Variants in RMND1 observed in about 807,000 individuals in gnomAD.
RMND1 encodes required for meiotic nuclear division protein 1 homolog.
RMND1 carries 41 observed loss-of-function variants against 54.0 expected under a neutral mutation model. The observed-to-expected ratio is 0.76, with a 90% CI of 0.59 to 0.98. The LOEUF (loss-of-function observed/expected upper bound fraction) is 0.98, where lower values mean the gene tolerates loss of function less well. RMND1 is among the 50% of genes least tolerant of loss of function. The pLI is 0.00. For synonymous variants in RMND1, 183 were observed against 181.7 expected, an observed-to-expected ratio of 1.01 and a Z score of -0.06; for missense variants, 457 against 532.0, an observed-to-expected ratio of 0.86 and a Z score of 1.39.
At chr6:151,418,875 A>G (rs1286077463) in intron 9 of RMND1, among the ~76,000 whole-genome samples, 1 of 151,818 alleles carries the variant, frequency 6.6e-6, no homozygotes, top group East Asian at 1.9e-4. Flanking sequence ...GGTTCAAGCA[A>G]TTCTCCTGCC....
In RMND1 at chr6:151,436,505, C is replaced by T. The variant is rs774987890; in HGVS notation, c.554G>A (p.Gly185Glu). 1 of 1,613,908 alleles carries T rather than the reference C, an allele frequency of 6.2e-7. No homozygotes were observed. The highest frequency in any genetic ancestry group is 8.5e-7 in the Non-Finnish European group (1 of 1,179,800). ...GGAGGCCAGATCTTGAGACAGATTT[C>T]CCAGATGATACTCATCTGCCGTTGC... ...AFATADEYHL[G>E]NLSQDLASHG... Residue 185 changes from glycine to glutamate, a missense_variant, in exon 3 of 12, where the codon GGA becomes GAA. Physicochemically the swap from Gly to Glu is moderately conservative, Grantham distance 98. Transcript: ENST00000444024.
intron 1 of RMND1, among the ~76,000 whole-genome samples, chr6:151,446,422 G>GAA (rs78186986): frequency 5.3e-5 from 7 of 133,132 alleles, no homozygotes; most frequent in Non-Finnish European, 4.9e-5. Flanking sequence ...TCTGTCTCAG[G>GAA]AAAAAAAAAA....
chr6:151,414,499 T>A (rs1481809800), intron 10 of RMND1, among the ~76,000 whole-genome samples: 1 of 152,160 alleles, frequency 6.6e-6, no homozygotes, highest in East Asian at 1.9e-4. Flanking sequence ...TTAGGTATTA[T>A]TAGATGATGT....
chr6:151,406,779 A>G (rs937525843), intron 10 of RMND1, among the ~76,000 whole-genome samples: 9 of 152,200 alleles, frequency 5.9e-5, no homozygotes, highest in Non-Finnish European at 1.3e-4. Context: ...GTCAGTGAAC[A>G]TTAAGAGATG....
chr6:151,411,016 G>C (rs1260475372), intron 10 of RMND1, among the ~76,000 whole-genome samples: 2 of 152,162 alleles, frequency 1.3e-5, no homozygotes, highest in Non-Finnish European at 2.9e-5. Context: ...CTGGAGTGCA[G>C]TGGTGCAATC....
intron 5 of RMND1, 34 bp from the exon 6 acceptor site, chr6:151,427,616 A>C: frequency 7.5e-7 from 1 of 1,325,024 alleles, no homozygotes; most frequent in Non-Finnish European, 1.1e-6. Context: ...TGAAATCATA[A>C]CTGACTCCCT....
chr6:151,443,436 C>T (rs1445189951), intron 2 of RMND1, among the ~76,000 whole-genome samples: 2 of 152,016 alleles, frequency 1.3e-5, no homozygotes, highest in Non-Finnish European at 2.9e-5. Context: ...CTCAGCCTCC[C>T]GAGCCGCTGG....
In RMND1 at chr6:151,445,611, G is replaced by T. The variant is rs182333944; in HGVS notation, c.201C>A (p.Ile67=). 2.4e-5 allele frequency: 39 copies of T among 1,614,140 alleles called. No homozygotes were observed. The Admixed American group carries it at 6.5e-4, about 27-fold the overall frequency. The change falls in exon 2 of 12, where the codon ATC becomes ATA. Residue 67 remains isoleucine (I), a synonymous_variant. Coordinates refer to ENST00000444024, the MANE Select transcript of RMND1 (RefSeq NM_017909.4). ...CTGACTTTTTTTGGTTCATTTCCAG[G>T]ATCTGAGACTTATTCAAACCACTAG... ...KTASGLNKSQ[I]LEMNQKKSDT...
At chr6:151,439,801 A>G (rs1216251281) in intron 2 of RMND1, among the ~76,000 whole-genome samples, 1 of 152,176 alleles carries the variant, frequency 6.6e-6, no homozygotes, top group East Asian at 1.9e-4. Context: ...CTGGGATCAC[A>G]GGCATGCGCC....
intron 7 of RMND1, 149 bp downstream of exon 7, chr6:151,423,376 G>A (rs1780207917): frequency 1.7e-6 from 1 of 592,292 alleles, no homozygotes. Flanking sequence ...TTTTATACTA[G>A]ATATTTTTTC....
At chr6:151,411,470 G>GA (rs1779831708) in intron 10 of RMND1, 1 of 152,210 alleles carries the variant, frequency 6.6e-6, no homozygotes, top group African/African-American at 2.4e-5. Context: ...CTCGATACCA[G>GA]AATGAAGAGC....
chr6:151,409,486 G>A (rs2114915232), intron 10 of RMND1, among the ~76,000 whole-genome samples: 1 of 152,198 alleles, frequency 6.6e-6, no homozygotes, highest in African/African-American at 2.4e-5. Context: ...TGGGGTGGGG[G>A]GGAATTTCAA....
intron 10 of RMND1, among the ~76,000 whole-genome samples, chr6:151,415,821 A>C (rs1267677781): frequency 6.7e-6 from 1 of 149,536 alleles, no homozygotes; most frequent in Non-Finnish European, 1.5e-5. Context: ...AAAGTCACAT[A>C]CTGTATGACT....
At chr6:151,410,721 A>G (rs974203580) in intron 10 of RMND1, among the ~76,000 whole-genome samples, 1 of 152,198 alleles carries the variant, frequency 6.6e-6, no homozygotes, top group African/African-American at 2.4e-5. Context: ...ACTCAATTCA[A>G]ACCTGAGTAA....
intron 10 of RMND1, among the ~76,000 whole-genome samples, chr6:151,409,079 A>G (rs573251253): frequency 1.3e-5 from 2 of 152,222 alleles, no homozygotes; most frequent in African/African-American, 2.4e-5. Flanking sequence ...TGAAATAGAC[A>G]TGTGTCTGTC....
chr6:151,448,854 A>C (rs1047096520), intron 1 of RMND1, among the ~76,000 whole-genome samples: 1 of 151,718 alleles, frequency 6.6e-6, no homozygotes, highest in African/African-American at 2.4e-5. Context: ...TTTGGGAGGG[A>C]TCACTTGGGG....
chr6:151,449,800 C>T (rs1258200658), intron 1 of RMND1, among the ~76,000 whole-genome samples: 1 of 152,230 alleles, frequency 6.6e-6, no homozygotes, highest in Non-Finnish European at 1.5e-5. Context: ...AGGCGCATGC[C>T]GCCACGCCTG....
chr6:151,417,392 T>C lies in RMND1; in HGVS notation c.1087A>G (p.Ile363Val), dbSNP rs1428087001. ...ATCAGGAAGTCTGAACTCAAGTTTA[T>C]ACGGTGCCTTTAAAAAGGAAAATTA... ...IGELFALRHR[I>V]NLSSDFLITP... The change falls in exon 10 of 12, where the codon ATA becomes GTA. Residue 363 changes from isoleucine (I) to valine (V), a missense_variant. Physicochemically the swap from Ile to Val is conservative, Grantham distance 29 (BLOSUM62 3). Transcript: ENST00000444024. 6.3e-7 allele frequency: 1 copy of C among 1,583,222 alleles called. No individual in the cohort carries two copies. The highest frequency in any genetic ancestry group is 8.6e-7 in the Non-Finnish European group (1 of 1,168,460).
chr6:151,416,095 C>T (rs1412450198), intron 10 of RMND1, among the ~76,000 whole-genome samples: 2 of 151,970 alleles, frequency 1.3e-5, no homozygotes, highest in South Asian at 2.1e-4. Flanking sequence ...TCTGCTGCCT[C>T]AGCCTCCCGA....
Sources: allele counts gnomAD v4.1 joint callset (sites outside exome capture counted in the v4.1 genomes callset), GRCh38; gene constraint gnomAD v4.1.1; transcripts MANE v1.5; gene names NCBI Gene and HGNC (gene_info 2026-07-23, HGNC 2026-07-21).